Variants in DOCK10 observed in about 807,000 individuals in gnomAD.
DOCK10 encodes the protein dedicator of cytokinesis 10.
In DOCK10, 145 loss-of-function variants were observed where a neutral mutation model predicts 280.1. That is an observed-to-expected ratio of 0.52 (90% CI 0.45 to 0.59). DOCK10 has a LOEUF of 0.59. Ranked by LOEUF, DOCK10 falls within the 20% of genes least tolerant of loss-of-function variation. The pLI, the probability that DOCK10 is intolerant of heterozygous loss-of-function variation, is 0.00. For synonymous variants in DOCK10, 915 were observed against 942.2 expected, an observed-to-expected ratio of 0.97 and a Z score of 0.53; for missense variants, 2,368 against 2,651.7, an observed-to-expected ratio of 0.89 and a Z score of 2.35.
intron 1 of DOCK10, among the ~76,000 whole-genome samples, chr2:224,972,794 G>A (rs1705168778): frequency 6.6e-6 from 1 of 152,160 alleles, no homozygotes; most frequent in Admixed American, 6.5e-5. Flanking sequence ...AATTTCAGTT[G>A]TATTAAAGGC....
Position 224,765,561 on chromosome 2 carries a change from G to A in DOCK10, c.*160C>T. Reference sequence around the variant, plus strand: ...CAAAGAAAAAAAAATTATACAAAATGTGCAAATTCAGAGGTTGGCAAAATT... The same window carrying A: ...CAAAGAAAAAAAAATTATACAAAATATGCAAATTCAGAGGTTGGCAAAATT... On this transcript the variant is annotated 3_prime_UTR_variant, in exon 56 of 56. Transcript: ENST00000258390. 1.8e-6 allele frequency: 1 copy of A among 560,694 alleles called. No homozygotes were observed. Among genetic ancestry groups the A allele is most frequent in the South Asian group, 2.4e-5 (1 of 41,136 alleles). The allele number at this position is 560,694 out of a possible 1,614,324, so 34.7% of individuals were successfully genotyped here. A position where few individuals can be genotyped will look rare whatever the true frequency, so the allele number is the denominator to read the frequency against.
chr2:224,818,920 G>A (rs1396253043), intron 29 of DOCK10, among the ~76,000 whole-genome samples: 1 of 152,144 alleles, frequency 6.6e-6, no homozygotes, highest in East Asian at 1.9e-4. Context: ...TCTCAAACCT[G>A]AGAGTGCAAA....
intron 3 of DOCK10, among the ~76,000 whole-genome samples, chr2:224,907,687 C>CA (rs71062965): frequency 1.1e-3 from 137 of 123,418 alleles, no homozygotes; most frequent in African/African-American, 2.4e-3. Flanking sequence ...GACTCCACCT[C>CA]AAAAAAAAAA....
At chr2:224,842,245 AC>A (rs1332672038) in intron 22 of DOCK10, among the ~76,000 whole-genome samples, 1 of 152,222 alleles carries the variant, frequency 6.6e-6, no homozygotes, top group Non-Finnish European at 1.5e-5. Context: ...ATAGACTTCT[AC>A]CAATTTCTTC....
rs1245668854 is a variant in DOCK10 at position 224,982,328 on chromosome 2, C to T, written c.124-50660G>A. On this transcript the variant is annotated intron_variant, in intron 1 of 55. Coordinates refer to ENST00000258390, the MANE Select transcript of DOCK10 (RefSeq NM_014689.3). Reference sequence around the variant, plus strand: ...TGGACAGCTCCTCTGGACCACAGAACGAAAAGCTTGAAGCAGAACAATGCT... The same window carrying T: ...TGGACAGCTCCTCTGGACCACAGAATGAAAAGCTTGAAGCAGAACAATGCT... 13 of 1,231,868 alleles carry T rather than the reference C, an allele frequency of 1.1e-5. No homozygotes were observed. In the East Asian group the frequency reaches 1.6e-4, roughly 15 times the overall value. The allele number at this position is 1,231,868 out of a possible 1,614,324, so 76.3% of individuals were successfully genotyped here.
chr2:224,982,325 G>T (rs1425072146), intron 1 of DOCK10: 2 of 1,231,904 alleles, frequency 1.6e-6, no homozygotes, highest in Non-Finnish European at 2.0e-6. Flanking sequence ...CTGGACCACA[G>T]AACGAAAAGC....
At chr2:224,873,908 C>T (rs1698458682) in intron 11 of DOCK10, 88 bp downstream of exon 11, 2 of 1,373,048 alleles carry the variant, frequency 1.5e-6, no homozygotes, top group Admixed American at 4.9e-5. Flanking sequence ...AAATCAGTGC[C>T]TGGAATTAGC....
In DOCK10 at chr2:224,830,568, C is replaced by T; in HGVS notation, c.3009G>A (p.Gln1003=). 1 of 1,533,544 alleles carries T rather than the reference C, an allele frequency of 6.5e-7. No homozygotes were observed. Among genetic ancestry groups the T allele is most frequent in the Non-Finnish European group, 8.8e-7 (1 of 1,132,316 alleles). 95.0% of individuals were successfully genotyped at this position (1,533,544 alleles called of 1,614,324 possible). A position where few individuals can be genotyped will look rare whatever the true frequency, so the allele number is the denominator to read the frequency against. Residue 1003 remains glutamine (Q), a synonymous_variant, in exon 27 of 56, where the codon CAG becomes CAA. Coordinates refer to ENST00000258390, the MANE Select transcript of DOCK10 (RefSeq NM_014689.3). ...FFAIILKSMA[Q]HLIDTNKIQL... The stretch of plus-strand genomic sequence containing the variant: ...GGATTTTATTTGTGTCAATCAAGTG[C>T]TGTGCCATCGATTTTAGGATAATTG...
At chr2:224,889,928 G>T (rs1364700665) in intron 4 of DOCK10, among the ~76,000 whole-genome samples, 2 of 152,202 alleles carry the variant, frequency 1.3e-5, no homozygotes, top group Non-Finnish European at 2.9e-5. Flanking sequence ...CAGAGCAATT[G>T]CTCCAGGTAC....
At chr2:224,896,236 A>G in intron 4 of DOCK10, 59 bp downstream of exon 4, 3 of 1,042,616 alleles carry the variant, frequency 2.9e-6, no homozygotes, top group Non-Finnish European at 4.3e-6. Context: ...GCAGGACTAG[A>G]ACAGAGGATG....
intron 1 of DOCK10, among the ~76,000 whole-genome samples, chr2:224,943,203 A>G (rs1359600952): frequency 2.6e-5 from 4 of 152,236 alleles, no homozygotes; most frequent in Non-Finnish European, 5.9e-5. Flanking sequence ...AGCTTTTTTC[A>G]TAACACAACT....
At chr2:224,895,468 T>C (rs184776380) in intron 4 of DOCK10, among the ~76,000 whole-genome samples, 468 of 152,346 alleles carry the variant, frequency 3.1e-3, no homozygotes, top group African/African-American at 0.011. Context: ...GGAAGTTCTT[T>C]AAATATGAGC....
In DOCK10 at chr2:224,856,642, G is replaced by A. The variant is rs2125578357; in HGVS notation, c.1808+218C>T. Among the ~76,000 whole-genome samples the A allele has an allele frequency of 2.0e-5, 3 of 152,314 alleles. 1 individual carries two copies. The Middle Eastern group carries it at 0.01, about 518-fold the overall frequency. ...TTTTGAGGTGGTTTGTTACACAGCA[G>A]TAAATAACTGACATAGTTTAACATT... On this transcript the variant is annotated intron_variant, in intron 15 of 55. Coordinates refer to ENST00000258390, the MANE Select transcript of DOCK10 (RefSeq NM_014689.3).
rs1376610930 is a variant in DOCK10 at position 224,862,704 on chromosome 2, T to C, written c.1645A>G (p.Lys549Glu). 6.2e-7 allele frequency: 1 copy of C among 1,612,084 alleles called. No homozygotes were observed. The highest frequency in any genetic ancestry group is 1.3e-5 in the African/African-American group (1 of 75,002). The change falls in exon 14 of 56, where the codon AAA becomes GAA. Residue 549 changes from lysine to glutamate, a missense_variant. Transcript: ENST00000258390. Reference sequence around the variant, plus strand: ...AAAGGCATACGGTATTTTCCCAATTTGCTGCAGAATTGTCTGTTGGATTTT... The same window carrying C: ...AAAGGCATACGGTATTTTCCCAATTCGCTGCAGAATTGTCTGTTGGATTTT... Reference protein sequence around the residue: ...ILKSNRQFCSKLGKYRMPFAW... With the variant: ...ILKSNRQFCSELGKYRMPFAW...
chr2:224,838,737 C>T (rs570670455), intron 24 of DOCK10, among the ~76,000 whole-genome samples: 51 of 151,982 alleles, frequency 3.4e-4, no homozygotes, highest in Non-Finnish European at 5.7e-4. Context: ...AATGCTATGA[C>T]TAAATTTTTT....
chr2:224,783,273 A>ATTTTTTTT (rs10713926), intron 50 of DOCK10, among the ~76,000 whole-genome samples: 1 of 143,998 alleles, frequency 6.9e-6, no homozygotes, highest in Non-Finnish European at 1.5e-5. Context: ...TCAGACTGGA[A>ATTTTTTTT]TTTTTTTTTT....
At chr2:224,813,095 C>G (rs529353513) in intron 31 of DOCK10, among the ~76,000 whole-genome samples, 1 of 152,178 alleles carries the variant, frequency 6.6e-6, no homozygotes, top group Non-Finnish European at 1.5e-5. Context: ...TCTCATCGCA[C>G]AGACTTAAAA....
At chr2:224,854,888 C>G (rs1406898810) in intron 16 of DOCK10, 75 bp downstream of exon 16, 4 of 1,197,686 alleles carry the variant, frequency 3.3e-6, no homozygotes, top group Admixed American at 2.3e-5. Flanking sequence ...ACCAACCAAC[C>G]AACCAACCAA....
chr2:224,930,482 G>A (rs899333231), intron 2 of DOCK10, among the ~76,000 whole-genome samples: 5 of 151,820 alleles, frequency 3.3e-5, no homozygotes, highest in African/African-American at 4.8e-5. Context: ...TTACAAATCT[G>A]TCTCCTTTTT....
Sources: gnomAD v4.1 joint callset for allele counts (sites outside exome capture counted in the v4.1 genomes callset) on GRCh38, gnomAD v4.1.1 for gene constraint, MANE v1.5 for transcripts, NCBI Gene and HGNC (gene_info 2026-07-23, HGNC 2026-07-21) for gene names.